NF2: variants seen among roughly 807,000 people sequenced by gnomAD.
NF2 encodes merlin.
A neutral mutation model predicts 83.7 loss-of-function variants in NF2; 8 were observed. The ratio of observed to expected loss-of-function variants is 0.10; its 90% confidence interval spans 0.06 to 0.17. NF2 has a LOEUF of 0.17. Ranked by LOEUF, NF2 falls within the 10% of genes least tolerant of loss-of-function variation. NF2 has a pLI of 1.00. For synonymous variants in NF2, 266 were observed against 269.6 expected (o/e 0.99, Z 0.13); for missense variants, 533 against 744.4 (o/e 0.72, Z 3.31).
In NF2 at chr22:29,665,178, C is replaced by T. The variant is rs962552250; in HGVS notation, c.885+114C>T. The stretch of plus-strand genomic sequence containing the variant: ...TTGTGAAGTATAGAATGGTATCTCA[C>T]TTGGCGCATACTTTCTGTTTAGCTT... On this transcript the variant is annotated intron_variant, in intron 9 of 15. Coordinates refer to ENST00000338641, the MANE Select transcript of NF2 (RefSeq NM_000268.4). The T allele has an allele frequency of 1.2e-5, 10 of 821,910 alleles. No homozygotes were observed. The Admixed American group carries it at 1.8e-4, about 15-fold the overall frequency. 50.9% of individuals were successfully genotyped at this position (821,910 alleles called of 1,614,324 possible). A position where few individuals can be genotyped will look rare whatever the true frequency, so the allele number is the denominator to read the frequency against.
intron 14 of NF2, among the ~76,000 whole-genome samples, chr22:29,678,578 G>A (rs2067037482): frequency 6.6e-6 from 1 of 152,206 alleles, no homozygotes; most frequent in Non-Finnish European, 1.5e-5. Context: ...CTGGTGAGCT[G>A]GAGTTTTTGG....
intron 1 of NF2, among the ~76,000 whole-genome samples, chr22:29,604,804 T>C (rs1043222772): frequency 2.6e-5 from 4 of 152,192 alleles, no homozygotes; most frequent in Admixed American, 2.6e-4. Flanking sequence ...TGGCATGCTT[T>C]TTCTGTACAG....
rs1393530217 is a variant in NF2, at chr22:29,696,110, G to C, written c.*1308G>C. 5 of 190,410 alleles carry C rather than the reference G, an allele frequency of 2.6e-5. No individual in the cohort carries two copies. The Admixed American group carries it at 3.5e-4, about 13-fold the overall frequency. The allele number at this position is 190,410 out of a possible 1,614,324, so 11.8% of individuals were successfully genotyped here. ...TTTTTCCGAGATGGAGTCTCTCTCT[G>C]TCACCCAGGTGGGAGTGTGGTGGCA... On this transcript the variant is annotated 3_prime_UTR_variant, in exon 16 of 16. Transcript: ENST00000338641.
At chr22:29,651,582 C>T (rs1158289041) in intron 4 of NF2, among the ~76,000 whole-genome samples, 2 of 152,194 alleles carry the variant, frequency 1.3e-5, no homozygotes, top group Non-Finnish European at 2.9e-5. Flanking sequence ...TATTCACCAG[C>T]TACCACAACT....
intron 9 of NF2, 79 bp downstream of exon 9, chr22:29,665,143 G>C (rs2066583876): frequency 1.8e-6 from 2 of 1,099,164 alleles, no homozygotes; most frequent in Non-Finnish European, 2.8e-6. Flanking sequence ...AAGGATATCA[G>C]AGTGACATCT....
At chr22:29,610,239 A>G (rs1348026483) in intron 1 of NF2, among the ~76,000 whole-genome samples, 1 of 151,890 alleles carries the variant, frequency 6.6e-6, no homozygotes, top group Non-Finnish European at 1.5e-5. Flanking sequence ...CCAGCTACTC[A>G]GGAGGTTAAG....
At chr22:29,615,783 CACAG>C in intron 1 of NF2, among the ~76,000 whole-genome samples, 1 of 152,158 alleles carries the variant, frequency 6.6e-6, no homozygotes, top group Non-Finnish European at 1.5e-5. Context: ...AACAGTTAAA[CACAG>C]AGTTACCATA....
Position 29,697,365 on chromosome 22 carries a change from A to G in NF2, c.*2563A>G, listed in dbSNP as rs2067581433. 5.1e-6 allele frequency: 1 copy of G among 197,706 alleles called. No homozygotes were observed. Among genetic ancestry groups the G allele is most frequent in the Non-Finnish European group, 1.0e-5 (1 of 95,382 alleles). 12.2% of individuals were successfully genotyped at this position (197,706 alleles called of 1,614,324 possible). A position where few individuals can be genotyped will look rare whatever the true frequency, so the allele number is the denominator to read the frequency against. Reference sequence around the variant, plus strand: ...AGAAGCACCTGGGGCTCCAGGGAGCAGGCTGGGAACTGCAGGACCTTGCTC... The same window carrying G: ...AGAAGCACCTGGGGCTCCAGGGAGCGGGCTGGGAACTGCAGGACCTTGCTC... On this transcript the variant is annotated 3_prime_UTR_variant, in exon 16 of 16. Transcript: ENST00000338641.
intron 15 of NF2, among the ~76,000 whole-genome samples, chr22:29,682,573 G>A (rs1012362117): frequency 6.6e-6 from 1 of 152,194 alleles, no homozygotes; most frequent in Non-Finnish European, 1.5e-5. Flanking sequence ...AGAAGGAAAG[G>A]CATTTCCACA....
At chr22:29,606,049 G>A (rs2064786826) in intron 1 of NF2, among the ~76,000 whole-genome samples, 1 of 152,122 alleles carries the variant, frequency 6.6e-6, no homozygotes, top group South Asian at 2.1e-4. Context: ...CTGCTTCCCG[G>A]GTTCAAGCGA....
rs368261472 is a variant in NF2 at position 29,686,062 on chromosome 22, CTCTT to C, written c.1737+4462_1737+4465del. ...ATAAAAAAGGATGAATTCTTACTCT[CTCTT>C]GAGGCACAGTGTCCTCACCTGCAAA... On this transcript the variant is annotated intron_variant, in intron 15 of 15. Coordinates refer to ENST00000338641, the MANE Select transcript of NF2 (RefSeq NM_000268.4). 2.6e-3 allele frequency among the ~76,000 whole-genome samples: 393 copies of C among 152,206 alleles called. 3 individuals are homozygous for C. The Middle Eastern group carries it at 0.037, about 14-fold the overall frequency.
chr22:29,681,742 C>T (rs1481401287), intron 15 of NF2, 141 bp downstream of exon 15: 3 of 980,194 alleles, frequency 3.1e-6, no homozygotes, highest in Non-Finnish European at 4.7e-6. Flanking sequence ...AATTTTTTAA[C>T]TTATGCCAGA....
chr22:29,613,695 C>A (rs945682821), intron 1 of NF2, among the ~76,000 whole-genome samples: 1 of 151,972 alleles, frequency 6.6e-6, no homozygotes, highest in Admixed American at 6.6e-5. Context: ...TGGGGGAGAA[C>A]TGTCTTGTCT....
intron 1 of NF2, among the ~76,000 whole-genome samples, chr22:29,604,437 T>G (rs150486568): frequency 2.6e-3 from 392 of 152,140 alleles, no homozygotes; most frequent in African/African-American, 8.6e-3. Flanking sequence ...AATATTGTTA[T>G]GTACCCAGGT....
intron 9 of NF2, among the ~76,000 whole-genome samples, chr22:29,666,301 C>T (rs538883177): frequency 3.3e-5 from 5 of 152,158 alleles, no homozygotes; most frequent in South Asian, 4.1e-4. Context: ...CTACCACGCC[C>T]GGCTAATTTT....
chr22:29,616,130 C>G (rs748776395), intron 1 of NF2, among the ~76,000 whole-genome samples: 48 of 151,984 alleles, frequency 3.2e-4, no homozygotes, highest in Non-Finnish European at 6.2e-4. Flanking sequence ...TCTACAGAGA[C>G]AAAGTAGATC....
At position 29,642,294 on chromosome 22, in the gene NF2, AAAG is replaced by A. The variant is rs1555988797; in HGVS notation, c.447+15_447+17del. ...ACGCCGTCCAGGCCAAGGTAGGCTC[AAAG>A]AAGAAAAATGTATTTTTCCTGGGCG... On this transcript the variant is annotated intron_variant, in intron 4 of 15. Transcript: ENST00000338641. The A allele has an allele frequency of 1.2e-6, 2 of 1,612,538 alleles. No individual in the cohort carries two copies. The highest frequency in any genetic ancestry group is 2.2e-5 in the East Asian group (1 of 44,882).
intron 15 of NF2, among the ~76,000 whole-genome samples, chr22:29,685,593 T>C (rs762073698): frequency 6.6e-5 from 10 of 150,862 alleles, no homozygotes; most frequent in Non-Finnish European, 1.3e-4. Context: ...TTTTTATTTT[T>C]GTAAAGATGG....
chr22:29,673,178 C>T (rs1350938774), intron 11 of NF2, 91 bp from the exon 12 acceptor site: 12 of 1,384,586 alleles, frequency 8.7e-6, no homozygotes, highest in Non-Finnish European at 1.2e-5. Flanking sequence ...GAGTCCGAGA[C>T]TCTGGTTTGT....
Sources: allele counts gnomAD v4.1 joint callset (sites outside exome capture counted in the v4.1 genomes callset), GRCh38; gene constraint gnomAD v4.1.1; transcripts MANE v1.5; gene names NCBI Gene and HGNC (gene_info 2026-07-23, HGNC 2026-07-21).